AGAP1: variants seen among roughly 807,000 people sequenced by gnomAD.
The protein encoded by AGAP1 is ArfGAP with GTPase domain, ankyrin repeat and PH domain 1, also known as arf-GAP with GTPase, ANK repeat and PH domain-containing protein 1.
Under a neutral mutation model 105.3 loss-of-function variants are expected in AGAP1, and 29 were observed. The observed-to-expected ratio is 0.28, with a 90% CI of 0.21 to 0.38. AGAP1 has a LOEUF of 0.38. Among genes scored for constraint, AGAP1 ranks in the 10% least tolerant of loss-of-function variants. The probability of loss-of-function intolerance (pLI) is 1.00; values close to 1 mark genes in which losing one functional copy is unlikely to be tolerated. For synonymous variants in AGAP1, 509 were observed against 485.9 expected, an observed-to-expected ratio of 1.05 and a Z score of -0.63; for missense variants, 998 against 1,165.1, an observed-to-expected ratio of 0.86 and a Z score of 2.09.
rs116808973 is a variant in AGAP1 at position 236,120,115 on chromosome 2, G to A, written c.2115-77G>A. ...TTTCACTTCCCTCTCGGCTTCTCCCGACCACACTGGGCAGGGGCTGGCAGC... is the reference window on the plus strand; with the variant it reads ...TTTCACTTCCCTCTCGGCTTCTCCCAACCACACTGGGCAGGGGCTGGCAGC... On this transcript the variant is annotated intron_variant, in intron 16 of 17. Coordinates refer to ENST00000304032, the MANE Select transcript of AGAP1 (RefSeq NM_001037131.3). This position sits in a 1 kb window ranked among gnomAD's most constrained non-coding sequence, Gnocchi z 6.0. The A allele has an allele frequency of 5.7e-3, 8,779 of 1,537,924 alleles. 453 individuals carry two copies. The African/African-American group carries it at 0.11, about 19-fold the overall frequency.
At chr2:235,643,035 G>A (rs1202902599) in intron 1 of AGAP1, among the ~76,000 whole-genome samples, 1 of 152,248 alleles carries the variant, frequency 6.6e-6, no homozygotes, top group Admixed American at 6.5e-5. Context: ...ATACACAGTT[G>A]GGACAGACTC....
At chr2:235,749,960 C>T (rs1220672542) in intron 5 of AGAP1, among the ~76,000 whole-genome samples, 1 of 152,210 alleles carries the variant, frequency 6.6e-6, no homozygotes, top group East Asian at 1.9e-4. Flanking sequence ...CAAGTGACCA[C>T]ACCTAGAAGA....
In AGAP1 at chr2:235,728,605, G is replaced by C. The variant is rs553114249; in HGVS notation, c.310+10961G>C. ...GTGCCTGCCCTGGGTCCGAAAGCTG[G>C]TGGTGGTCTGTTCTTGTTGTATGAG... On this transcript the variant is annotated intron_variant, in intron 3 of 17. Coordinates refer to ENST00000304032, the MANE Select transcript of AGAP1 (RefSeq NM_001037131.3). The surrounding 1 kb of genome is among the most constrained non-coding windows in gnomAD (Gnocchi z 4.3). 2.0e-5 allele frequency among the ~76,000 whole-genome samples: 3 copies of C among 152,182 alleles called. No homozygotes were observed. The highest frequency in any genetic ancestry group is 7.2e-5 in the African/African-American group (3 of 41,508).
intron 9 of AGAP1, among the ~76,000 whole-genome samples, chr2:235,846,744 C>T (rs550300624): frequency 6.6e-6 from 1 of 152,300 alleles, no homozygotes; most frequent in East Asian, 1.9e-4. Flanking sequence ...TCAAGTGATC[C>T]TCTAACCCCA....
chr2:235,869,625 C>T (rs2049345095), intron 9 of AGAP1, among the ~76,000 whole-genome samples: 1 of 151,962 alleles, frequency 6.6e-6, no homozygotes, highest in Admixed American at 6.6e-5. Context: ...AAAGTGCCAC[C>T]TTATTGTTTA....
intron 13 of AGAP1, among the ~76,000 whole-genome samples, chr2:235,986,538 T>A (rs2055321727): frequency 6.6e-6 from 1 of 152,158 alleles, no homozygotes; most frequent in South Asian, 2.1e-4. Flanking sequence ...GAGAGCATCC[T>A]TGTCTTGTAC....
chr2:235,604,212 C>A, intron 1 of AGAP1, among the ~76,000 whole-genome samples: 1 of 152,134 alleles, frequency 6.6e-6, no homozygotes, highest in Admixed American at 6.5e-5. Flanking sequence ...AATAGTGTGG[C>A]TCTTGCCTGG....
rs1282646321 is a variant in AGAP1, at chr2:235,555,071, G to T, written c.163+60222G>T. ...GGAGCAGTTGCCTTCTCAGCATCGTGGGGTGGGGCTGGGATGAGGAGAGCG... is the reference window on the plus strand; with the variant it reads ...GGAGCAGTTGCCTTCTCAGCATCGTTGGGTGGGGCTGGGATGAGGAGAGCG... On this transcript the variant is annotated intron_variant, in intron 1 of 17. Coordinates refer to ENST00000304032, the MANE Select transcript of AGAP1 (RefSeq NM_001037131.3). The surrounding 1 kb of genome is among the most constrained non-coding windows in gnomAD (Gnocchi z 5.1). Among the ~76,000 whole-genome samples, 2 of 152,190 alleles carry T rather than the reference G, an allele frequency of 1.3e-5. No homozygotes were observed. The highest frequency in any genetic ancestry group is 4.1e-4 in the South Asian group (2 of 4,832).
chr2:235,692,565 C>A lies in AGAP1; in HGVS notation c.164-16614C>A, dbSNP rs548167913. On this transcript the variant is annotated intron_variant, in intron 1 of 17. Transcript: ENST00000304032. The surrounding 1 kb of genome is among the most constrained non-coding windows in gnomAD (Gnocchi z 5.8). ...GCCCTGCTGCCCCTATGCTCTCCCC[C>A]CTTGCCCTCCCCCCTTGCCTTCCTG... Among the ~76,000 whole-genome samples the A allele has an allele frequency of 1.2e-3, 175 of 150,526 alleles. 1 individual carries two copies. In the South Asian group the frequency reaches 0.013, roughly 11 times the overall value.
In AGAP1 at chr2:235,959,639, C is replaced by T. The variant is rs1334733783; in HGVS notation, c.1484-8823C>T. Among the ~76,000 whole-genome samples, 4 of 152,214 alleles carry T rather than the reference C, an allele frequency of 2.6e-5. No homozygotes were observed. ...TTCCTGCCCGACTTCTGTCTCCTGC[C>T]ACGGCCCCCCTCAATTCACATCCTA... On this transcript the variant is annotated intron_variant, in intron 12 of 17. Coordinates refer to ENST00000304032, the MANE Select transcript of AGAP1 (RefSeq NM_001037131.3). This position sits in a 1 kb window ranked among gnomAD's most constrained non-coding sequence, Gnocchi z 7.3.
intron 6 of AGAP1, among the ~76,000 whole-genome samples, chr2:235,772,819 CGGGTCTCTCTCTGACCT>C (rs1553628194): frequency 6.6e-6 from 1 of 152,194 alleles, no homozygotes; most frequent in Non-Finnish European, 1.5e-5. Context: ...GGGATGCAAG[CGGGTCTCTCTCTGACCT>C]TCAGGAGGTC....
Position 235,930,939 on chromosome 2 carries a change from G to GC in AGAP1, c.1483+20dup, listed in dbSNP as rs1012770532. On this transcript the variant is annotated intron_variant, in intron 12 of 17. Coordinates refer to ENST00000304032, the MANE Select transcript of AGAP1 (RefSeq NM_001037131.3). This position sits in a 1 kb window ranked among gnomAD's most constrained non-coding sequence, Gnocchi z 7.9. ...ATCAGCAGTGGTAAGAGGGGGCTCAGCCCCACGGACCCGCAGCCACCTCAA... is the reference window on the plus strand; with the variant it reads ...ATCAGCAGTGGTAAGAGGGGGCTCAGCCCCCACGGACCCGCAGCCACCTCAA... The GC allele has an allele frequency of 6.2e-7, 1 of 1,610,378 alleles. No individual in the cohort carries two copies. The highest frequency in any genetic ancestry group is 8.5e-7 in the Non-Finnish European group (1 of 1,178,304).
At chr2:236,028,023 C>T (rs145652552) in intron 13 of AGAP1, among the ~76,000 whole-genome samples, 2 of 152,182 alleles carry the variant, frequency 1.3e-5, no homozygotes, top group East Asian at 1.9e-4. Context: ...AGTTATTGCA[C>T]GGGACTCCCC....
chr2:235,567,739 TG>T (rs2149153610), intron 1 of AGAP1, among the ~76,000 whole-genome samples: 1 of 1,812 alleles, frequency 5.5e-4, no homozygotes, highest in Non-Finnish European at 1.0e-3. Flanking sequence ...AACGTGGCAC[TG>T]GGGGGTGGGC....
At chr2:236,075,754 G>A (rs1425529015) in intron 16 of AGAP1, among the ~76,000 whole-genome samples, 1 of 152,224 alleles carries the variant, frequency 6.6e-6, no homozygotes, top group Non-Finnish European at 1.5e-5. Flanking sequence ...CTCAAGAGGA[G>A]CCTTTGACAA....
chr2:235,767,469 G>A (rs1211145518), intron 6 of AGAP1, among the ~76,000 whole-genome samples: 2 of 151,602 alleles, frequency 1.3e-5, no homozygotes, highest in African/African-American at 2.4e-5. Context: ...TGCTTTTTCC[G>A]TTGACCAAAG....
At chr2:236,004,649 A>G (rs2056255354) in intron 13 of AGAP1, among the ~76,000 whole-genome samples, 1 of 152,200 alleles carries the variant, frequency 6.6e-6, no homozygotes, top group Non-Finnish European at 1.5e-5. Context: ...TCCAAAGAAT[A>G]TTAGTTAGCA....
At chr2:235,956,897 C>T (rs539691603) in intron 12 of AGAP1, among the ~76,000 whole-genome samples, 1 of 152,340 alleles carries the variant, frequency 6.6e-6, no homozygotes, top group South Asian at 2.1e-4. Flanking sequence ...CCCCTCTGAC[C>T]CTCTCCCCCG....
chr2:235,791,186 C>G (rs376369767), intron 6 of AGAP1, among the ~76,000 whole-genome samples: 1 of 152,318 alleles, frequency 6.6e-6, no homozygotes, highest in South Asian at 2.1e-4. Flanking sequence ...CTACATATTT[C>G]TTTTCACTCC....
Sources: gnomAD v4.1 joint callset for allele counts (sites outside exome capture counted in the v4.1 genomes callset) on GRCh38, gnomAD v4.1.1 for gene constraint, Gnocchi (gnomAD v3.1) non-coding constraint, MANE v1.5 for transcripts, NCBI Gene and HGNC (gene_info 2026-07-23, HGNC 2026-07-21) for gene names.